Variants in NYAP2 observed in about 807,000 individuals in gnomAD.
NYAP2 encodes the protein neuronal tyrosine-phosphorylated phosphoinositide-3-kinase adaptor 2.
Under a neutral mutation model 50.4 loss-of-function variants are expected in NYAP2, and 23 were observed. That is an observed-to-expected ratio of 0.46 (90% CI 0.33 to 0.65). The LOEUF is 0.65. Among genes scored for constraint, NYAP2 ranks in the 30% least tolerant of loss-of-function variants. NYAP2 has a pLI of 0.02. For synonymous variants in NYAP2, 394 were observed against 365.2 expected, an observed-to-expected ratio of 1.08 and a Z score of -0.90; for missense variants, 885 against 861.0, an observed-to-expected ratio of 1.03 and a Z score of -0.35.
intron 3 of NYAP2, among the ~76,000 whole-genome samples, chr2:225,501,599 A>G (rs1018161225): frequency 1.3e-5 from 2 of 152,212 alleles, no homozygotes; most frequent in Admixed American, 1.3e-4. Flanking sequence ...GATATCTGAA[A>G]ACAGCATTCC....
chr2:225,461,672 A>T (rs896165033), intron 3 of NYAP2, among the ~76,000 whole-genome samples: 9 of 152,182 alleles, frequency 5.9e-5, no homozygotes, highest in African/African-American at 2.2e-4. Context: ...AAATTCTTTT[A>T]TCTACAAAGT....
At chr2:225,605,648 A>G (rs1201407560) in intron 5 of NYAP2, among the ~76,000 whole-genome samples, 1 of 152,124 alleles carries the variant, frequency 6.6e-6, no homozygotes, top group Non-Finnish European at 1.5e-5. Flanking sequence ...AAGTTGGGGA[A>G]TAATCATAAT....
chr2:225,519,564 T>G (rs1195147873), intron 4 of NYAP2, among the ~76,000 whole-genome samples: 1 of 152,012 alleles, frequency 6.6e-6, no homozygotes, highest in Non-Finnish European at 1.5e-5. Context: ...GAATGATGAT[T>G]TCCAGCTTCA....
At chr2:225,412,567 A>C (rs761413781) in intron 3 of NYAP2, among the ~76,000 whole-genome samples, 1 of 152,062 alleles carries the variant, frequency 6.6e-6, no homozygotes, top group Non-Finnish European at 1.5e-5. Flanking sequence ...GGTTCTCTAA[A>C]GTCAATACAT....
intron 3 of NYAP2, among the ~76,000 whole-genome samples, chr2:225,414,391 G>A (rs1695091147): frequency 1.3e-5 from 2 of 152,078 alleles, no homozygotes; most frequent in Non-Finnish European, 2.9e-5. Context: ...AATCCTAATG[G>A]TTTTGTGCAG....
the NYAP2 span, among the ~76,000 whole-genome samples, chr2:225,696,297 AG>A: frequency 2.0e-5 from 3 of 151,874 alleles, no homozygotes; most frequent in African/African-American, 7.2e-5. Context: ...TGTGGCTTGG[AG>A]GATTTAATAT....
chr2:225,702,590 A>G, the NYAP2 span: 1 of 151,662 alleles, frequency 6.6e-6, no homozygotes, highest in Non-Finnish European at 1.5e-5. Context: ...TTTATGTGTA[A>G]GCCTCGATGT....
chr2:225,621,554 T>C (rs962591951), intron 5 of NYAP2, among the ~76,000 whole-genome samples: 7 of 152,152 alleles, frequency 4.6e-5, no homozygotes, highest in Non-Finnish European at 7.3e-5. Context: ...AGATTGATTA[T>C]ACAACAAAAT....
chr2:225,626,794 C>T lies in NYAP2; in HGVS notation c.1619-123C>T, dbSNP rs1428155747. On this transcript the variant is annotated intron_variant, in intron 5 of 6. Transcript: ENST00000636099. ...TTCTGTTATATTTAAATGTTGTAGTCTCCAAGTCTGAGTTTCCAACAACAT... is the reference window on the plus strand; with the variant it reads ...TTCTGTTATATTTAAATGTTGTAGTTTCCAAGTCTGAGTTTCCAACAACAT... 6 of 733,660 alleles carry T rather than the reference C, an allele frequency of 8.2e-6. No individual in the cohort carries two copies. In the Admixed American group the frequency reaches 1.0e-4, roughly 12 times the overall value. 45.4% of individuals were successfully genotyped at this position (733,660 alleles called of 1,614,324 possible). A position where few individuals can be genotyped will look rare whatever the true frequency, so the allele number is the denominator to read the frequency against.
intron 3 of NYAP2, among the ~76,000 whole-genome samples, chr2:225,459,510 A>T (rs1689790281): frequency 6.6e-6 from 1 of 152,228 alleles, no homozygotes; most frequent in Non-Finnish European, 1.5e-5. Flanking sequence ...AAGCTTCCAT[A>T]TAATTACTTC....
At chr2:225,649,509 T>C (rs1283982018) in intron 6 of NYAP2, among the ~76,000 whole-genome samples, 1 of 152,162 alleles carries the variant, frequency 6.6e-6, no homozygotes, top group Admixed American at 6.5e-5. Context: ...TTCTAACATA[T>C]TTCCTAATTT....
chr2:225,558,962 G>A (rs777668575), intron 4 of NYAP2, among the ~76,000 whole-genome samples: 4 of 152,102 alleles, frequency 2.6e-5, no homozygotes, highest in Non-Finnish European at 5.9e-5. Context: ...GCTCCAGCTT[G>A]TTTACTTTGG....
At chr2:225,636,288 G>A (rs769766001) in intron 6 of NYAP2, among the ~76,000 whole-genome samples, 1 of 152,170 alleles carries the variant, frequency 6.6e-6, no homozygotes, top group Non-Finnish European at 1.5e-5. Context: ...TCACTCAGGA[G>A]TGTGGATAAA....
chr2:225,433,375 A>G (rs945651914), intron 3 of NYAP2, among the ~76,000 whole-genome samples: 3 of 151,342 alleles, frequency 2.0e-5, no homozygotes, highest in Non-Finnish European at 2.9e-5. Context: ...AAAAAAAGCA[A>G]TTTGTTTGGA....
chr2:225,700,524 T>C, the NYAP2 span: 2 of 151,812 alleles, frequency 1.3e-5, no homozygotes, highest in Admixed American at 1.3e-4. Context: ...CCAAATAATC[T>C]ATGAAGCACA....
At chr2:225,540,302 C>T (rs1212865151) in intron 4 of NYAP2, among the ~76,000 whole-genome samples, 1 of 152,136 alleles carries the variant, frequency 6.6e-6, no homozygotes, top group East Asian at 1.9e-4. Flanking sequence ...AGTTTGTTTT[C>T]AGGCTGCTGA....
chr2:225,433,136 A>G (rs1348510751), intron 3 of NYAP2, among the ~76,000 whole-genome samples: 1 of 152,222 alleles, frequency 6.6e-6, no homozygotes, highest in Admixed American at 6.5e-5. Flanking sequence ...ATATTTCATT[A>G]AATACTTATT....
At chr2:225,601,097 C>T (rs1692682763) in intron 5 of NYAP2, among the ~76,000 whole-genome samples, 1 of 150,792 alleles carries the variant, frequency 6.6e-6, no homozygotes, top group Non-Finnish European at 1.5e-5. Flanking sequence ...ACTGCTGAAT[C>T]ATGTGGGTAG....
At chr2:225,408,144 A>G (rs532998736) in intron 2 of NYAP2, among the ~76,000 whole-genome samples, 8 of 151,914 alleles carry the variant, frequency 5.3e-5, no homozygotes, top group Non-Finnish European at 1.0e-4. Flanking sequence ...TCTGAGGCTC[A>G]AGTTTTGAAA....
Sources: allele counts gnomAD v4.1 joint callset (sites outside exome capture counted in the v4.1 genomes callset), GRCh38; gene constraint gnomAD v4.1.1; transcripts MANE v1.5; gene names NCBI Gene and HGNC (gene_info 2026-07-23, HGNC 2026-07-21).